LIPA: variants seen among roughly 807,000 people sequenced by gnomAD.
The protein encoded by LIPA is lipase A, lysosomal acid type, also known as lysosomal acid lipase/cholesteryl ester hydrolase.
In LIPA, 26 loss-of-function variants were observed where a neutral mutation model predicts 40.6. The ratio of observed to expected loss-of-function variants is 0.64; its 90% confidence interval spans 0.47 to 0.89. LIPA has a LOEUF of 0.89. Among genes scored for constraint, LIPA ranks in the 40% least tolerant of loss-of-function variants. The probability of loss-of-function intolerance (pLI) is 0.00; values close to 1 mark genes in which losing one functional copy is unlikely to be tolerated. For missense variants in LIPA, 455 were observed against 479.6 expected, an observed-to-expected ratio of 0.95 and a Z score of 0.48; for synonymous variants, 188 against 168.4, an observed-to-expected ratio of 1.12 and a Z score of -0.90.
intron 2 of LIPA, chr10:89,362,791 C>A: frequency 1.7e-6 from 1 of 580,978 alleles, no homozygotes; most frequent in Non-Finnish European, 2.8e-6. Flanking sequence ...CAGGCCAAGG[C>A]CTGCTTTGAA....
chr10:89,310,853 T>C (rs976629385), intron 1 of LIPA, among the ~76,000 whole-genome samples: 1 of 152,206 alleles, frequency 6.6e-6, no homozygotes, highest in African/African-American at 2.4e-5. Flanking sequence ...ACGATACAAA[T>C]AGACCCCAGA....
intron 2 of LIPA, chr10:89,392,820 T>C (rs2133612346): frequency 4.9e-6 from 6 of 1,215,066 alleles, no homozygotes; most frequent in African/African-American, 1.5e-5. Context: ...TCAGGTTTTC[T>C]AATTCCTCGA....
chr10:89,280,610 C>T lies in LIPA; in HGVS notation c.-1-32961G>A, dbSNP rs115165534. 6.8e-3 allele frequency among the ~76,000 whole-genome samples: 1,030 copies of T among 152,346 alleles called. 11 individuals are homozygous for T. The highest frequency in any genetic ancestry group is 0.024 in the African/African-American group (985 of 41,582). On this transcript the variant is annotated intron_variant, in intron 1 of 5. Transcript: ENST00000282673. ...CCAGCTTCACCCATTCATCTCCAGT[C>T]AGAGTTTCTCATGTTGGTTCTGCTG... is the stretch of plus-strand genomic sequence containing the variant.
chr10:89,259,288 C>T (rs1044262207), intron 1 of LIPA, among the ~76,000 whole-genome samples: 3 of 152,108 alleles, frequency 2.0e-5, no homozygotes, highest in African/African-American at 7.2e-5. Flanking sequence ...ACAGACATTT[C>T]ACTAAAGAAG....
At chr10:89,252,145 A>G (rs533709889), upstream of LIPA, 10 of 152,378 alleles carry the variant, frequency 6.6e-5, no homozygotes, top group African/African-American at 2.4e-4. Flanking sequence ...CGCCTGACAG[A>G]GAGCATGTGG....
intron 2 of LIPA, among the ~76,000 whole-genome samples, chr10:89,387,998 T>C (rs1844221855): frequency 6.6e-6 from 1 of 152,106 alleles, no homozygotes. Flanking sequence ...TAGGGAATGG[T>C]GGATAAAATC....
chr10:89,260,340 G>C (rs1263796387), intron 1 of LIPA, among the ~76,000 whole-genome samples: 2 of 152,186 alleles, frequency 1.3e-5, no homozygotes, highest in Non-Finnish European at 2.9e-5. Context: ...CCTAAGGGTT[G>C]CAGATTCCGA....
At chr10:89,224,985 T>C (rs769075580) in intron 6 of LIPA, 107 bp downstream of exon 6, 13 of 1,387,928 alleles carry the variant, frequency 9.4e-6, no homozygotes, top group East Asian at 6.9e-5. Flanking sequence ...TCCACTGATA[T>C]CAAAACGCAG....
intron 1 of LIPA, chr10:89,305,884 G>T: frequency 1.0e-6 from 1 of 957,360 alleles, no homozygotes; most frequent in Non-Finnish European, 1.6e-6. Flanking sequence ...AGGAGGAGGA[G>T]CATTTTATTT....
intron 7 of LIPA, among the ~76,000 whole-genome samples, chr10:89,223,300 G>GAAATT (rs60298834): frequency 6.6e-6 from 1 of 152,188 alleles, no homozygotes; most frequent in Non-Finnish European, 1.5e-5. Flanking sequence ...TACTCAACAG[G>GAAATT]CTTCAGCCCT....
At chr10:89,374,369 T>C (rs927336186) in intron 2 of LIPA, among the ~76,000 whole-genome samples, 1 of 152,040 alleles carries the variant, frequency 6.6e-6, no homozygotes, top group Non-Finnish European at 1.5e-5. Context: ...TCTTACACAA[T>C]GTGTTGGCTG....
intron 2 of LIPA, among the ~76,000 whole-genome samples, chr10:89,375,672 C>T (rs6586191): frequency 0.044 from 6,671 of 152,246 alleles, 326 homozygotes; most frequent in African/African-American, 0.12. Context: ...CTTGGTCTTC[C>T]ACAGCAGGGC....
intron 1 of LIPA, among the ~76,000 whole-genome samples, chr10:89,289,599 G>T (rs1843360456): frequency 6.6e-6 from 1 of 152,014 alleles, no homozygotes; most frequent in Non-Finnish European, 1.5e-5. Flanking sequence ...TCCTCTGTTT[G>T]GCCTTTCCAC....
rs946240817 is a variant in LIPA at position 89,400,957 on chromosome 10, T to G, written c.61+11834A>C. Among the ~76,000 whole-genome samples, 7 of 102,938 alleles carry G rather than the reference T, an allele frequency of 6.8e-5. No individual in the cohort carries two copies. In the East Asian group the frequency reaches 1.1e-3, roughly 16 times the overall value. 67.5% of individuals were successfully genotyped at this position (102,938 alleles called of 152,430 possible). Reference sequence around the variant, plus strand: ...CCCTGTATTAGTAGTCTATAGTCTGTTTTTTTTTTCATAAAGGGTGTTGAA... The same window carrying G: ...CCCTGTATTAGTAGTCTATAGTCTGGTTTTTTTTTCATAAAGGGTGTTGAA... On this transcript the variant is annotated intron_variant, in intron 2 of 8. Transcript: ENST00000371837.
At chr10:89,338,590 T>A in intron 1 of LIPA, 2 of 1,416,304 alleles carry the variant, frequency 1.4e-6, no homozygotes, top group South Asian at 1.3e-5. Context: ...AATTGACATA[T>A]AAAATTAATG....
chr10:89,391,783 C>A (rs1844255156), intron 2 of LIPA, among the ~76,000 whole-genome samples: 1 of 152,286 alleles, frequency 6.6e-6, no homozygotes, highest in African/African-American at 2.4e-5. Context: ...CCACCTTGGC[C>A]TCCCAAAGTG....
At chr10:89,229,789 C>A (rs867901385) in intron 3 of LIPA, among the ~76,000 whole-genome samples, 3 of 150,286 alleles carry the variant, frequency 2.0e-5, no homozygotes, top group African/African-American at 7.4e-5. Flanking sequence ...ATGTAAACTA[C>A]GGACTTTGTG....
rs541334648 is a variant in LIPA at position 89,384,853 on chromosome 10, G to A, written c.61+27938C>T. 133 of 939,814 alleles carry A rather than the reference G, an allele frequency of 1.4e-4. No homozygotes were observed. In the African/African-American group the frequency reaches 1.9e-3, roughly 13 times the overall value. 58.2% of individuals were successfully genotyped at this position (939,814 alleles called of 1,614,324 possible). A position where few individuals can be genotyped will look rare whatever the true frequency, so the allele number is the denominator to read the frequency against. The stretch of plus-strand genomic sequence containing the variant: ...TTTACCTTATTTTGAGCCTTGAGAG[G>A]AATGTGGCTGTGTGGCCTGAGTTAT... On this transcript the variant is annotated intron_variant, in intron 2 of 8. Coordinates refer to the LIPA transcript ENST00000371837.
chr10:89,364,611 T>C (rs1393515379), intron 2 of LIPA, among the ~76,000 whole-genome samples: 1 of 150,908 alleles, frequency 6.6e-6, no homozygotes, highest in Non-Finnish European at 1.5e-5. Flanking sequence ...TTCTCAGTCC[T>C]TGAAAGCGAA....
Sources: gnomAD v4.1 joint callset for allele counts (sites outside exome capture counted in the v4.1 genomes callset) on GRCh38, gnomAD v4.1.1 for gene constraint, MANE v1.5 for transcripts, NCBI Gene and HGNC (gene_info 2026-07-23, HGNC 2026-07-21) for gene names.